ARFGEF1: variants seen among roughly 807,000 people sequenced by gnomAD.
ARFGEF1 encodes brefeldin A-inhibited guanine nucleotide-exchange protein 1.
Under a neutral mutation model 231.0 loss-of-function variants are expected in ARFGEF1, and 42 were observed. That is an observed-to-expected ratio of 0.18 (90% CI 0.14 to 0.24). The LOEUF is 0.24. Ranked by LOEUF, ARFGEF1 falls within the 10% of genes least tolerant of loss-of-function variation. The pLI is 1.00. For missense variants in ARFGEF1, 1,345 were observed against 2,192.0 expected, an observed-to-expected ratio of 0.61 and a Z score of 7.72; for synonymous variants, 710 against 732.3, an observed-to-expected ratio of 0.97 and a Z score of 0.49.
intron 7 of ARFGEF1, among the ~76,000 whole-genome samples, chr8:67,277,974 C>CT (rs1377684208): frequency 6.6e-6 from 1 of 152,150 alleles, no homozygotes; most frequent in Admixed American, 6.5e-5. Context: ...ATGAATATCT[C>CT]TAACAATTTA....
At chr8:67,324,613 T>C (rs1807745196) in intron 1 of ARFGEF1, among the ~76,000 whole-genome samples, 1 of 152,222 alleles carries the variant, frequency 6.6e-6, no homozygotes, top group African/African-American at 2.4e-5. Flanking sequence ...CAATTTCATA[T>C]ATGTCTACCA....
At chr8:67,311,220 C>T (rs1219434349) in intron 1 of ARFGEF1, among the ~76,000 whole-genome samples, 43 of 145,496 alleles carry the variant, frequency 3.0e-4, no homozygotes, top group Non-Finnish European at 5.0e-4. Context: ...GGCCAGCCGC[C>T]CCGTCCGGGA....
chr8:67,194,004 T>C (rs920380461), downstream of ARFGEF1, among the ~76,000 whole-genome samples: 1 of 152,252 alleles, frequency 6.6e-6, no homozygotes, highest in Non-Finnish European at 1.5e-5. Context: ...AGAAAATTTT[T>C]ACCTTCTTCT....
At chr8:67,335,519 T>A (rs912460176) in intron 1 of ARFGEF1, among the ~76,000 whole-genome samples, 14 of 152,168 alleles carry the variant, frequency 9.2e-5, no homozygotes, top group Non-Finnish European at 1.3e-4. Flanking sequence ...GCATACAGAC[T>A]GAGTAAAAGC....
chr8:67,238,206 A>T, intron 22 of ARFGEF1, 137 bp downstream of exon 22: 1 of 848,526 alleles, frequency 1.2e-6, no homozygotes, highest in Non-Finnish European at 1.7e-6. Context: ...TTAGTTCCTT[A>T]GTCATCTTGC....
chr8:67,252,711 T>C (rs1409177456), intron 18 of ARFGEF1, among the ~76,000 whole-genome samples: 1 of 152,140 alleles, frequency 6.6e-6, no homozygotes, highest in African/African-American at 2.4e-5. Context: ...GTATAGAGTG[T>C]CTAGAAGGGG....
In ARFGEF1 at chr8:67,203,112, T is replaced by C. The variant is rs745494130; in HGVS notation, c.5099A>G (p.Asn1700Ser). Reference sequence around the variant, plus strand: ...TTTCCACAGGGCAGTCCTCTGTTCGTTGTTGGAATTAAACGCTTTTGCAAA... The same window carrying C: ...TTTCCACAGGGCAGTCCTCTGTTCGCTGTTGGAATTAAACGCTTTTGCAAA... ...HRFAKAFNSN[N>S]EQRTALWKAG... is the part of the protein sequence containing the mutation. Residue 1700 changes from asparagine to serine, a missense_variant, in exon 36 of 39, where the codon AAC becomes AGC. Asn to Ser is a conservative substitution (Grantham distance 46). Around this residue, in one of 14 missense-constraint regions of ARFGEF1, gnomAD observed 161 missense variants for 284.9 expected, o/e 0.57. Transcript: ENST00000262215. 6 of 1,614,042 alleles carry C rather than the reference T, an allele frequency of 3.7e-6. No homozygotes were observed. In the East Asian group the frequency reaches 1.1e-4, roughly 30 times the overall value.
chr8:67,175,075 T>G, downstream of ARFGEF1: 2 of 480,272 alleles, frequency 4.2e-6, no homozygotes, highest in Non-Finnish European at 3.8e-6. Context: ...GTATTCCTTA[T>G]GTTGGTAAGT....
chr8:67,203,244 G>A lies in ARFGEF1; in HGVS notation c.4967C>T (p.Ala1656Val), dbSNP rs771740489. The change falls in exon 36 of 39, where the codon GCG (alanine) becomes GTG (valine). Residue 1656 changes from alanine to valine, a missense_variant. By Grantham distance (64) the Ala-to-Val change is moderately conservative. Coordinates refer to ENST00000262215, the MANE Select transcript of ARFGEF1 (RefSeq NM_006421.5). ...AENLAAAQRD[A>V]VDFDVRVDTQ... ...ATCAACGCGAACATCAAAGTCCACC[G>A]CATCTCTCTTTGGAAAACAAACCAC... 4 of 1,613,220 alleles carry A rather than the reference G, an allele frequency of 2.5e-6. No homozygotes were observed. The highest frequency in any genetic ancestry group is 2.7e-5 in the African/African-American group (2 of 74,836).
intron 1 of ARFGEF1, among the ~76,000 whole-genome samples, chr8:67,307,104 C>A (rs1396574814): frequency 6.6e-6 from 1 of 152,222 alleles, no homozygotes; most frequent in Admixed American, 6.5e-5. Flanking sequence ...TTAATAAACA[C>A]ATGAGAACCT....
At chr8:67,269,319 G>A (rs1804975257) in intron 10 of ARFGEF1, among the ~76,000 whole-genome samples, 1 of 146,224 alleles carries the variant, frequency 6.8e-6, no homozygotes, top group African/African-American at 2.5e-5. Flanking sequence ...GCAAATTTAG[G>A]TTTTCATAGC....
downstream of ARFGEF1, chr8:67,195,325 T>TATG (rs1228690849): frequency 1.9e-6 from 2 of 1,069,296 alleles, no homozygotes; most frequent in East Asian, 2.4e-5. Context: ...GACCTGCGCT[T>TATG]ATGTCTCCTG....
chr8:67,280,044 G>C (rs1034478113), intron 7 of ARFGEF1, among the ~76,000 whole-genome samples: 4 of 152,110 alleles, frequency 2.6e-5, no homozygotes, highest in Admixed American at 2.6e-4. Flanking sequence ...AAACTAAGGA[G>C]CATATCACTG....
In ARFGEF1 at chr8:67,252,278, A is replaced by G. The variant is rs529429093; in HGVS notation, c.2699-828T>C. 1.5e-3 allele frequency among the ~76,000 whole-genome samples: 178 copies of G among 122,146 alleles called. 2 individuals carry two copies. The highest frequency in any genetic ancestry group is 2.3e-3 in the Non-Finnish European group (139 of 60,608). 80.1% of individuals were successfully genotyped at this position (122,146 alleles called of 152,430 possible). On this transcript the variant is annotated intron_variant, in intron 18 of 38. Coordinates refer to ENST00000262215, the MANE Select transcript of ARFGEF1 (RefSeq NM_006421.5). ...ACTCCAGCCTGGGCAACAAAACTCC[A>G]TCTCAAAAAAAAAAAAAAAAAAAAA...
At chr8:67,210,154 C>CAAA (rs59530693) in intron 34 of ARFGEF1, among the ~76,000 whole-genome samples, 12 of 53,820 alleles carry the variant, frequency 2.2e-4, no homozygotes, top group African/African-American at 2.9e-4. Context: ...GACTCCGTCT[C>CAAA]AAAAAAAAAA....
chr8:67,287,856 G>A lies in ARFGEF1; in HGVS notation c.1027+99C>T, dbSNP rs770125204. 5.4e-5 allele frequency: 43 copies of A among 794,174 alleles called. No individual in the cohort carries two copies. The East Asian group carries it at 9.4e-4, about 17-fold the overall frequency. The allele number at this position is 794,174 out of a possible 1,614,324, so 49.2% of individuals were successfully genotyped here. A position where few individuals can be genotyped will look rare whatever the true frequency, so the allele number is the denominator to read the frequency against. ...AACTTTCCATTGGTTGGCTCCAAAC[G>A]TTTTAATTTTGCCCTTTCTATTCCA... is the stretch of plus-strand genomic sequence containing the variant. On this transcript the variant is annotated intron_variant, in intron 7 of 38. Transcript: ENST00000262215.
At chr8:67,321,461 GTT>G (rs1051512876) in intron 1 of ARFGEF1, among the ~76,000 whole-genome samples, 1 of 151,710 alleles carries the variant, frequency 6.6e-6, no homozygotes, top group African/African-American at 2.4e-5. Context: ...TTTTTTGTTT[GTT>G]TTGTTTTTTG....
chr8:67,257,157 T>C (rs1840483497), intron 17 of ARFGEF1, among the ~76,000 whole-genome samples: 1 of 151,984 alleles, frequency 6.6e-6, no homozygotes. Context: ...CAGCTCACTG[T>C]ATGACTTGTG....
At chr8:67,321,810 A>G (rs1474456451) in intron 1 of ARFGEF1, among the ~76,000 whole-genome samples, 3 of 152,164 alleles carry the variant, frequency 2.0e-5, no homozygotes, top group Non-Finnish European at 4.4e-5. Flanking sequence ...CCTTTCTGCC[A>G]CTTTAACTTT....
Sources: allele counts gnomAD v4.1 joint callset (sites outside exome capture counted in the v4.1 genomes callset), GRCh38; gene constraint gnomAD v4.1.1; regional missense constraint gnomAD v4.1.1; transcripts MANE v1.5; gene names NCBI Gene and HGNC (gene_info 2026-07-23, HGNC 2026-07-21).